The following KANK1 variants were observed in gnomAD, a reference collection of about 807,000 sequenced individuals.
KANK1 encodes the protein KN motif and ankyrin repeat domains 1.
In KANK1, 109 loss-of-function variants were observed where a neutral mutation model predicts 106.2. That is an observed-to-expected ratio of 1.03 (90% CI 0.88 to 1.20). The LOEUF is 1.20. Ranked by LOEUF, KANK1 falls within the 50% of genes most tolerant of loss-of-function variation. KANK1 has a pLI of 0.00. For missense variants in KANK1, 2,399 were observed against 1,710.7 expected, an observed-to-expected ratio of 1.40 and a Z score of -7.10; for synonymous variants, 873 against 652.2, an observed-to-expected ratio of 1.34 and a Z score of -5.16.
intron 1 of KANK1, among the ~76,000 whole-genome samples, chr9:531,689 G>GA (rs1326297558): frequency 6.6e-6 from 1 of 152,120 alleles, no homozygotes; most frequent in Non-Finnish European, 1.5e-5. Flanking sequence ...TTCTTTCTGT[G>GA]AAAAAAGTCT....
rs1836702486 is a variant in KANK1 at position 744,590 on chromosome 9, G to A, written c.3996+1G>A. 1 of 1,613,964 alleles carries A rather than the reference G, an allele frequency of 6.2e-7. No individual in the cohort carries two copies. Among genetic ancestry groups the A allele is most frequent in the Non-Finnish European group, 8.5e-7 (1 of 1,180,020 alleles). ...CAACTTTGCAAAAGCCCAGTCTCCGGTCAGTGTTGTGCATTTGGCATTTGT... is the reference window on the plus strand; with the variant it reads ...CAACTTTGCAAAAGCCCAGTCTCCGATCAGTGTTGTGCATTTGGCATTTGT... On this transcript the variant is annotated splice_donor_variant, in intron 11 of 11. Coordinates refer to ENST00000382297, the MANE Select transcript of KANK1 (RefSeq NM_015158.5). LOFTEE classifies it high-confidence loss of function.
chr9:494,040 G>A (rs1046666483), intron 3 of KANK1, among the ~76,000 whole-genome samples: 8 of 151,696 alleles, frequency 5.3e-5, no homozygotes, highest in African/African-American at 1.9e-4. Context: ...ACACCGCCAT[G>A]CCCCACTAAT....
At chr9:708,835 A>G (rs541858236) in intron 2 of KANK1, among the ~76,000 whole-genome samples, 1 of 152,324 alleles carries the variant, frequency 6.6e-6, no homozygotes, top group Admixed American at 6.5e-5. Context: ...AGCTCTAAAA[A>G]TGCGCAGCTT....
chr9:626,688 G>T (rs1462466728), intron 1 of KANK1, among the ~76,000 whole-genome samples: 1 of 152,154 alleles, frequency 6.6e-6, no homozygotes, highest in African/African-American at 2.4e-5. Flanking sequence ...AAATAGAAAA[G>T]GAGAAACAAA....
chr9:501,284 G>A (rs10974855), upstream of KANK1, among the ~76,000 whole-genome samples: 21,468 of 152,036 alleles, frequency 0.14, 2,937 homozygotes, highest in African/African-American at 0.36. Flanking sequence ...GCAAGGACCA[G>A]ACAACGCACT....
intron 1 of KANK1, among the ~76,000 whole-genome samples, chr9:537,642 T>C (rs1467758414): frequency 6.6e-6 from 1 of 152,124 alleles, no homozygotes; most frequent in Non-Finnish European, 1.5e-5. Context: ...TTTCAACACC[T>C]GTGCCATTCG....
intron 3 of KANK1, among the ~76,000 whole-genome samples, chr9:713,903 G>C (rs991639482): frequency 6.6e-6 from 1 of 152,164 alleles, no homozygotes; most frequent in African/African-American, 2.4e-5. Flanking sequence ...ACGTTTATGA[G>C]AGGAGAGACT....
intron 1 of KANK1, among the ~76,000 whole-genome samples, chr9:551,868 T>G (rs1474073157): frequency 6.7e-6 from 1 of 149,142 alleles, no homozygotes; most frequent in Non-Finnish European, 1.5e-5. Context: ...GGCAACATAG[T>G]AAGACCTTGT....
At position 627,032 on chromosome 9, in the gene KANK1, C is replaced by T. The variant is rs971274795; in HGVS notation, c.-83-49858C>T. On this transcript the variant is annotated intron_variant, in intron 1 of 11. Transcript: ENST00000382297. Reference sequence around the variant, plus strand: ...TCATATTTATTTGATTTGCTCTTTTCTTGTACCCTTTATTCCAAGGGGGAA... The same window carrying T: ...TCATATTTATTTGATTTGCTCTTTTTTTGTACCCTTTATTCCAAGGGGGAA... Among the ~76,000 whole-genome samples the T allele has an allele frequency of 4.0e-5, 6 of 151,106 alleles. No individual in the cohort carries two copies. In the East Asian group the frequency reaches 9.6e-4, roughly 24 times the overall value.
chr9:525,011 G>T (rs1258371443), intron 1 of KANK1, among the ~76,000 whole-genome samples: 1 of 100,772 alleles, frequency 9.9e-6, no homozygotes, highest in Non-Finnish European at 1.8e-5. Context: ...TTTTGAGGCA[G>T]AGTCTCACTC....
intron 3 of KANK1, among the ~76,000 whole-genome samples, chr9:489,698 C>G (rs569754376): frequency 1.3e-5 from 2 of 152,280 alleles, no homozygotes; most frequent in South Asian, 4.1e-4. Context: ...GTAAGATGCC[C>G]AGCACTTAGC....
At chr9:742,485 G>T (rs1470865866) in intron 10 of KANK1, 80 bp downstream of exon 10, 3 of 1,116,878 alleles carry the variant, frequency 2.7e-6, no homozygotes, top group South Asian at 1.5e-5. Flanking sequence ...TTTTGGCCAG[G>T]AGCGACCAAA....
intron 1 of KANK1, among the ~76,000 whole-genome samples, chr9:666,901 C>CTTTTTT (rs35149316): frequency 2.8e-4 from 15 of 53,492 alleles, no homozygotes; most frequent in Non-Finnish European, 3.8e-4. Flanking sequence ...CTATTGTTGT[C>CTTTTTT]TTTTTTTTTT....
rs533769313 is a variant in KANK1, at chr9:526,756, A to T, written c.-84+22002A>T. Among the ~76,000 whole-genome samples, 4 of 151,774 alleles carry T rather than the reference A, an allele frequency of 2.6e-5. No homozygotes were observed. In the East Asian group the frequency reaches 7.7e-4, roughly 29 times the overall value. ...TGTTGAACCATAAGAAAATGCTGAT[A>T]TTTGACTGCTTTAGATCTGTGAAAA... On this transcript the variant is annotated intron_variant, in intron 1 of 11. Transcript: ENST00000382297.
intron 1 of KANK1, among the ~76,000 whole-genome samples, chr9:656,529 G>C (rs1842183460): frequency 6.6e-6 from 1 of 152,076 alleles, no homozygotes; most frequent in Admixed American, 6.5e-5. Flanking sequence ...TGACCATACT[G>C]CTATTCTCCA....
intron 1 of KANK1, among the ~76,000 whole-genome samples, chr9:522,590 G>T (rs949460084): frequency 6.6e-6 from 1 of 151,672 alleles, no homozygotes; most frequent in Non-Finnish European, 1.5e-5. Flanking sequence ...TGTTCTCCAG[G>T]CCTGGGACCC....
At chr9:572,119 AAC>A (rs1819336141) in intron 1 of KANK1, among the ~76,000 whole-genome samples, 2 of 150,754 alleles carry the variant, frequency 1.3e-5, no homozygotes, top group African/African-American at 4.9e-5. Context: ...CCACTAATAC[AAC>A]TCTTAACTTA....
intron 3 of KANK1, among the ~76,000 whole-genome samples, chr9:474,241 C>A (rs2058067889): frequency 6.6e-6 from 1 of 152,132 alleles, no homozygotes; most frequent in Non-Finnish European, 1.5e-5. Flanking sequence ...TGCTGTTGGC[C>A]ATAAGGAAAA....
At chr9:640,402 A>C (rs1324948248) in intron 1 of KANK1, among the ~76,000 whole-genome samples, 1 of 143,176 alleles carries the variant, frequency 7.0e-6, no homozygotes, top group Admixed American at 7.0e-5. Context: ...CGCCCAGCTA[A>C]TTTTTTTTTT....
Sources: gnomAD v4.1 joint callset for allele counts (sites outside exome capture counted in the v4.1 genomes callset) on GRCh38, gnomAD v4.1.1 for gene constraint, MANE v1.5 for transcripts, NCBI Gene and HGNC (gene_info 2026-07-23, HGNC 2026-07-21) for gene names.